Variants in FSTL5 observed in about 807,000 individuals in gnomAD.
The protein encoded by FSTL5 is follistatin like 5, also known as follistatin-related protein 5.
In FSTL5, 62 loss-of-function variants were observed where a neutral mutation model predicts 89.1. The observed-to-expected ratio is 0.70, with a 90% CI of 0.57 to 0.86. The LOEUF (loss-of-function observed/expected upper bound fraction) is 0.86, where lower values mean the gene tolerates loss of function less well. Ranked by LOEUF, FSTL5 falls within the 40% of genes least tolerant of loss-of-function variation. The pLI, the probability that FSTL5 is intolerant of heterozygous loss-of-function variation, is 0.00. For missense variants in FSTL5, 1,057 were observed against 1,001.6 expected, an observed-to-expected ratio of 1.06 and a Z score of -0.75; for synonymous variants, 383 against 346.2, an observed-to-expected ratio of 1.11 and a Z score of -1.18.
At chr4:161,830,641 TG>T (rs574306444) in intron 4 of FSTL5, among the ~76,000 whole-genome samples, 3 of 152,042 alleles carry the variant, frequency 2.0e-5, no homozygotes, top group Admixed American at 6.6e-5. Flanking sequence ...AACATGCTTT[TG>T]TCTGTTTAAC....
At chr4:161,977,159 T>A (rs1156318732) in intron 3 of FSTL5, among the ~76,000 whole-genome samples, 3 of 152,182 alleles carry the variant, frequency 2.0e-5, no homozygotes, top group African/African-American at 7.2e-5. Context: ...TAGATCAAAA[T>A]GTTATAATTG....
At chr4:161,856,872 A>C (rs1004684871) in intron 4 of FSTL5, among the ~76,000 whole-genome samples, 1 of 152,128 alleles carries the variant, frequency 6.6e-6, no homozygotes, top group African/African-American at 2.4e-5. Context: ...ATGGGGCAAG[A>C]GGGTTAGGCA....
intron 11 of FSTL5, among the ~76,000 whole-genome samples, chr4:161,508,746 C>T (rs1367752699): frequency 6.6e-6 from 1 of 151,766 alleles, no homozygotes; most frequent in African/African-American, 2.4e-5. Flanking sequence ...AAGAGTTGTT[C>T]CACATACTTT....
chr4:162,088,846 C>T (rs1730425493), intron 2 of FSTL5, among the ~76,000 whole-genome samples: 2 of 152,002 alleles, frequency 1.3e-5, no homozygotes, highest in African/African-American at 4.8e-5. Flanking sequence ...ACTAGGAAGA[C>T]TGATTTTAAT....
At chr4:161,633,831 A>T (rs955055081) in intron 7 of FSTL5, among the ~76,000 whole-genome samples, 9 of 152,324 alleles carry the variant, frequency 5.9e-5, no homozygotes, top group African/African-American at 2.2e-4. Context: ...CATTAATCAG[A>T]ACACTAGCAA....
At chr4:161,630,386 G>A (rs1259303837) in intron 7 of FSTL5, among the ~76,000 whole-genome samples, 2 of 152,292 alleles carry the variant, frequency 1.3e-5, no homozygotes, top group East Asian at 3.9e-4. Flanking sequence ...ATGGCACCTG[G>A]CAGTACAGCT....
At chr4:161,556,819 T>C (rs1224484702) in intron 8 of FSTL5, among the ~76,000 whole-genome samples, 4 of 145,780 alleles carry the variant, frequency 2.7e-5, no homozygotes, top group African/African-American at 1.1e-4. Flanking sequence ...GGTAAAAGAT[T>C]ATATATATAT....
intron 6 of FSTL5, among the ~76,000 whole-genome samples, chr4:161,735,769 C>A (rs1249502461): frequency 6.6e-6 from 1 of 151,900 alleles, no homozygotes; most frequent in Non-Finnish European, 1.5e-5. Flanking sequence ...TTGTGCTTAC[C>A]TTTAACCAAA....
intron 8 of FSTL5, among the ~76,000 whole-genome samples, chr4:161,554,832 G>A (rs1732334324): frequency 6.6e-6 from 1 of 151,624 alleles, no homozygotes; most frequent in African/African-American, 2.4e-5. Context: ...TGTTCTGTTT[G>A]TATTATGACT....
intron 4 of FSTL5, among the ~76,000 whole-genome samples, chr4:161,889,512 T>C (rs888422963): frequency 5.9e-5 from 9 of 152,190 alleles, no homozygotes; most frequent in East Asian, 5.8e-4. Flanking sequence ...GGTGTGGCAG[T>C]GCATGCCTGT....
intron 4 of FSTL5, 126 bp downstream of exon 4, chr4:161,920,278 A>C (rs1733954247): frequency 3.6e-6 from 3 of 824,924 alleles, no homozygotes; most frequent in Non-Finnish European, 3.8e-6. Flanking sequence ...TGGAGTACTT[A>C]GGCTATTTTG....
chr4:161,387,262 C>A (rs1578934576), intron 15 of FSTL5: 1 of 151,930 alleles, frequency 6.6e-6, no homozygotes, highest in South Asian at 2.1e-4. Flanking sequence ...AAAATTATAT[C>A]CAAAGTAGAT....
chr4:161,485,904 A>G (rs1022550656), intron 12 of FSTL5, among the ~76,000 whole-genome samples: 1 of 152,078 alleles, frequency 6.6e-6, no homozygotes, highest in African/African-American at 2.4e-5. Flanking sequence ...TTGGGAGGCC[A>G]AGGCAGGTGG....
intron 8 of FSTL5, among the ~76,000 whole-genome samples, chr4:161,549,015 T>G (rs1732105463): frequency 6.6e-6 from 1 of 151,826 alleles, no homozygotes. Flanking sequence ...TTTTCTTAAT[T>G]GTAGAGAGTG....
chr4:162,136,586 A>G (rs1732530275), intron 1 of FSTL5, among the ~76,000 whole-genome samples: 1 of 152,088 alleles, frequency 6.6e-6, no homozygotes, highest in East Asian at 1.9e-4. Flanking sequence ...AAAACATTAG[A>G]AAAAGGCTGT....
At chr4:161,949,985 A>T (rs1373552105) in intron 3 of FSTL5, among the ~76,000 whole-genome samples, 1 of 152,038 alleles carries the variant, frequency 6.6e-6, no homozygotes, top group Non-Finnish European at 1.5e-5. Context: ...GTTACAGTTT[A>T]TGACTCATTT....
intron 2 of FSTL5, among the ~76,000 whole-genome samples, chr4:162,049,535 T>A (rs1036130505): frequency 6.6e-6 from 1 of 152,180 alleles, no homozygotes; most frequent in Non-Finnish European, 1.5e-5. Context: ...GAGAGTTGCA[T>A]CATGTGGGAG....
At chr4:161,540,072 T>G (rs569595548) in intron 9 of FSTL5, among the ~76,000 whole-genome samples, 48 of 152,154 alleles carry the variant, frequency 3.2e-4, no homozygotes, top group Non-Finnish European at 5.4e-4. Flanking sequence ...CTATGTAATC[T>G]AGCATTCTTA....
intron 6 of FSTL5, among the ~76,000 whole-genome samples, chr4:161,716,269 A>G (rs1738977802): frequency 6.6e-6 from 1 of 151,910 alleles, no homozygotes; most frequent in Admixed American, 6.6e-5. Flanking sequence ...GTTTGTCTCC[A>G]CCTCCGACAG....
Sources: allele counts gnomAD v4.1 joint callset (sites outside exome capture counted in the v4.1 genomes callset), GRCh38; gene constraint gnomAD v4.1.1; transcripts MANE v1.5; gene names NCBI Gene and HGNC (gene_info 2026-07-23, HGNC 2026-07-21).